Variants in MTUS2 observed in about 807,000 individuals in gnomAD.
MTUS2 encodes microtubule associated scaffold protein 2, also known as microtubule-associated tumor suppressor candidate 2.
In MTUS2, 40 loss-of-function variants were observed where a neutral mutation model predicts 114.1. That is an observed-to-expected ratio of 0.35 (90% CI 0.27 to 0.46). The LOEUF (loss-of-function observed/expected upper bound fraction) is 0.46, where lower values mean the gene tolerates loss of function less well. Among genes scored for constraint, MTUS2 ranks in the 20% least tolerant of loss-of-function variants. MTUS2 has a pLI of 1.00. For missense variants in MTUS2, 1,679 were observed against 1,705.4 expected (o/e 0.98, Z 0.27); for synonymous variants, 688 against 672.0 (o/e 1.02, Z -0.37).
intron 2 of MTUS2, among the ~76,000 whole-genome samples, chr13:29,000,937 G>A (rs999550419): frequency 6.6e-6 from 1 of 152,184 alleles, no homozygotes; most frequent in Non-Finnish European, 1.5e-5. Flanking sequence ...TGTTCCCAAA[G>A]TGCAGAGATG....
chr13:29,398,952 G>T (rs1277308973), intron 8 of MTUS2, among the ~76,000 whole-genome samples: 1 of 152,120 alleles, frequency 6.6e-6, no homozygotes, highest in African/African-American at 2.4e-5. Flanking sequence ...CCAAGAGAGG[G>T]TTCTTGGATC....
intron 2 of MTUS2, among the ~76,000 whole-genome samples, chr13:28,999,459 G>C (rs1885283293): frequency 6.6e-6 from 1 of 152,048 alleles, no homozygotes; most frequent in Non-Finnish European, 1.5e-5. Context: ...GTTTTCATAG[G>C]GCTTACATTT....
chr13:29,172,655 A>G (rs1331949991), intron 5 of MTUS2, among the ~76,000 whole-genome samples: 1 of 152,206 alleles, frequency 6.6e-6, no homozygotes, highest in Non-Finnish European at 1.5e-5. Context: ...AGATAAAATT[A>G]CAAAGAGAGA....
intron 2 of MTUS2, among the ~76,000 whole-genome samples, chr13:28,967,592 A>G (rs1883654803): frequency 2.0e-5 from 3 of 152,172 alleles, no homozygotes; most frequent in African/African-American, 7.2e-5. Context: ...GCCATTCTGA[A>G]TGTTATTCAC....
intron 15 of MTUS2, 129 bp downstream of exon 15, chr13:29,501,323 G>A: frequency 2.9e-6 from 2 of 696,162 alleles, no homozygotes; most frequent in East Asian, 5.5e-5. Flanking sequence ...CCCAAGACCT[G>A]AAGAACAAGA....
chr13:28,905,867 G>A (rs1289872683), intron 2 of MTUS2, among the ~76,000 whole-genome samples: 2 of 151,548 alleles, frequency 1.3e-5, no homozygotes, highest in African/African-American at 2.4e-5. Context: ...GAATTTGGCT[G>A]TGAATCCATG....
intron 6 of MTUS2, among the ~76,000 whole-genome samples, chr13:29,311,999 A>T (rs1041360084): frequency 6.6e-6 from 1 of 152,100 alleles, no homozygotes; most frequent in Non-Finnish European, 1.5e-5. Context: ...GCTCTCCCTG[A>T]CCTGCTGTCC....
intron 2 of MTUS2, among the ~76,000 whole-genome samples, chr13:28,847,479 C>T (rs990134594): frequency 6.0e-4 from 91 of 152,188 alleles, no homozygotes; most frequent in African/African-American, 2.1e-3. Flanking sequence ...GGCCTGGATT[C>T]GTCTAGAGGA....
chr13:29,075,722 T>C (rs1889163315), intron 4 of MTUS2, among the ~76,000 whole-genome samples: 1 of 152,222 alleles, frequency 6.6e-6, no homozygotes, highest in Admixed American at 6.5e-5. Flanking sequence ...CTTAGATTTT[T>C]CTGGTCTTAA....
intron 2 of MTUS2, among the ~76,000 whole-genome samples, chr13:28,842,299 C>T (rs1286072087): frequency 6.6e-6 from 1 of 152,040 alleles, no homozygotes; most frequent in Admixed American, 6.5e-5. Flanking sequence ...CCCACCCCTG[C>T]AGTTGTTTAG....
intron 5 of MTUS2, among the ~76,000 whole-genome samples, chr13:29,101,223 T>G (rs531107399): frequency 6.6e-6 from 1 of 152,086 alleles, no homozygotes; most frequent in East Asian, 1.9e-4. Flanking sequence ...CAGAGACAGA[T>G]TCCAGCAGCC....
intron 2 of MTUS2, among the ~76,000 whole-genome samples, chr13:28,923,405 T>C (rs1311336966): frequency 1.3e-5 from 2 of 152,234 alleles, no homozygotes; most frequent in Non-Finnish European, 2.9e-5. Flanking sequence ...TCTTCCATTT[T>C]AGAAGGCAGT....
intron 7 of MTUS2, among the ~76,000 whole-genome samples, chr13:29,325,097 CATTT>C (rs1900424078): frequency 6.6e-6 from 1 of 152,120 alleles, no homozygotes; most frequent in African/African-American, 2.4e-5. Context: ...GCAAGGAAAC[CATTT>C]ATTTGCATTC....
At chr13:29,394,838 T>C (rs984976078) in intron 8 of MTUS2, among the ~76,000 whole-genome samples, 2 of 152,158 alleles carry the variant, frequency 1.3e-5, no homozygotes, top group Admixed American at 6.5e-5. Flanking sequence ...TAACGGTGCA[T>C]GTGAGGGATC....
intron 8 of MTUS2, among the ~76,000 whole-genome samples, chr13:29,414,468 T>TAAAAAAAAAAAAAAAAA (rs67181675): frequency 7.9e-6 from 1 of 126,792 alleles, no homozygotes; most frequent in Non-Finnish European, 1.6e-5. Flanking sequence ...AAAAAAAAAT[T>TAAAAAAAAAAAAAAAAA]AAAAAAAAAA....
chr13:28,993,369 T>C (rs943728720), intron 2 of MTUS2, among the ~76,000 whole-genome samples: 4 of 152,200 alleles, frequency 2.6e-5, no homozygotes, highest in African/African-American at 9.6e-5. Flanking sequence ...AATGCACAAG[T>C]GTTTCAGTTT....
chr13:29,340,983 T>C (rs1901364126), intron 7 of MTUS2, among the ~76,000 whole-genome samples: 2 of 152,232 alleles, frequency 1.3e-5, no homozygotes, highest in South Asian at 2.1e-4. Flanking sequence ...ATTATTTCTT[T>C]TCTTTTTTAA....
intron 6 of MTUS2, among the ~76,000 whole-genome samples, chr13:29,300,890 C>T (rs186536098): frequency 7.9e-5 from 12 of 152,270 alleles, no homozygotes; most frequent in African/African-American, 1.4e-4. Flanking sequence ...TTATAAACAA[C>T]GAACATTTAT....
chr13:29,441,536 T>G (rs1877870659), intron 9 of MTUS2, among the ~76,000 whole-genome samples: 1 of 121,292 alleles, frequency 8.2e-6, no homozygotes, highest in Non-Finnish European at 1.9e-5. Flanking sequence ...TGTCCCCATC[T>G]GTTTCTTCAC....
Sources: gnomAD v4.1 joint callset for allele counts (sites outside exome capture counted in the v4.1 genomes callset) on GRCh38, gnomAD v4.1.1 for gene constraint, MANE v1.5 for transcripts, NCBI Gene and HGNC (gene_info 2026-07-23, HGNC 2026-07-21) for gene names.